The following WDFY4 variants were observed in gnomAD, a reference collection of about 807,000 sequenced individuals.
The protein encoded by WDFY4 is WDFY family member 4.
A neutral mutation model predicts 351.9 loss-of-function variants in WDFY4; 169 were observed. The observed-to-expected ratio is 0.48, with a 90% CI of 0.42 to 0.55. The LOEUF (loss-of-function observed/expected upper bound fraction) is 0.55. Ranked by LOEUF, WDFY4 falls within the 20% of genes least tolerant of loss-of-function variation. The pLI is 0.00. For missense variants in WDFY4, 3,803 were observed against 3,935.6 expected (o/e 0.97, Z 0.90); for synonymous variants, 1,622 against 1,574.6 (o/e 1.03, Z -0.71).
intron 19 of WDFY4, among the ~76,000 whole-genome samples, chr10:48,780,724 T>C (rs2066191936): frequency 6.6e-6 from 1 of 152,206 alleles, no homozygotes; most frequent in Non-Finnish European, 1.5e-5. Flanking sequence ...GCAGCCATTG[T>C]CAGAGAAGAG....
chr10:48,842,521 G>T (rs754833114), intron 39 of WDFY4, among the ~76,000 whole-genome samples: 11 of 152,108 alleles, frequency 7.2e-5, no homozygotes, highest in Non-Finnish European at 1.5e-4. Flanking sequence ...GTCCAGAGGG[G>T]CTTTCTCCTG....
chr10:48,723,343 T>A (rs921425121), intron 4 of WDFY4, 90 bp from the exon 5 acceptor site: 1 of 1,472,812 alleles, frequency 6.8e-7, no homozygotes, highest in African/African-American at 1.4e-5. Flanking sequence ...ATGGCCTCAC[T>A]GAAATGGCTG....
chr10:48,707,930 T>TA (rs543166213), intron 1 of WDFY4, among the ~76,000 whole-genome samples: 43 of 152,050 alleles, frequency 2.8e-4, no homozygotes, highest in Non-Finnish European at 5.9e-5. Context: ...CCCTTAGAGT[T>TA]AGCCCCCCAA....
chr10:48,981,571 C>CCTCCT, intron 61 of WDFY4, 93 bp downstream of exon 61: 1 of 1,175,604 alleles, frequency 8.5e-7, no homozygotes, highest in Non-Finnish European at 1.2e-6. Context: ...GGCCACCTGG[C>CCTCCT]CGAGGAGGCC....
At chr10:48,939,591 T>C (rs1320990246) in intron 47 of WDFY4, among the ~76,000 whole-genome samples, 1 of 152,234 alleles carries the variant, frequency 6.6e-6, no homozygotes, top group East Asian at 1.9e-4. Context: ...ATGATAATGA[T>C]GGATGATGGA....
intron 55 of WDFY4, chr10:48,968,852 G>T: frequency 1.8e-6 from 1 of 559,188 alleles, no homozygotes; most frequent in South Asian, 2.2e-5. Flanking sequence ...CTGCCCCGGG[G>T]CCCGGCTACA....
chr10:48,748,452 T>C (rs2065078005), intron 12 of WDFY4, among the ~76,000 whole-genome samples: 1 of 152,154 alleles, frequency 6.6e-6, no homozygotes, highest in South Asian at 2.1e-4. Flanking sequence ...TGTGCGTGCG[T>C]GTATGTGCAC....
intron 12 of WDFY4, chr10:48,745,784 C>T (rs2064992304): frequency 2.3e-6 from 1 of 433,284 alleles, no homozygotes; most frequent in Admixed American, 3.6e-5. Context: ...GCAGCAGAAA[C>T]ACCCATCTAG....
At chr10:48,793,227 G>T (rs1034619038) in intron 23 of WDFY4, among the ~76,000 whole-genome samples, 5 of 152,150 alleles carry the variant, frequency 3.3e-5, no homozygotes, top group Admixed American at 6.5e-5. Context: ...CATCCAAGAA[G>T]GTGGACAGAA....
At chr10:48,758,605 TC>T (rs1048707613) in intron 12 of WDFY4, among the ~76,000 whole-genome samples, 3 of 152,194 alleles carry the variant, frequency 2.0e-5, no homozygotes, top group Admixed American at 2.0e-4. Flanking sequence ...TTTTTAGTAA[TC>T]TTTTTCCTTT....
intron 12 of WDFY4, among the ~76,000 whole-genome samples, chr10:48,756,944 T>C (rs1370920036): frequency 2.0e-5 from 3 of 152,076 alleles, no homozygotes; most frequent in Admixed American, 1.3e-4. Flanking sequence ...ATTCTGGCTT[T>C]ATAAAATGAA....
At chr10:48,913,869 G>C in intron 47 of WDFY4, 1 of 1,614,120 alleles carries the variant, frequency 6.2e-7, no homozygotes, top group South Asian at 1.1e-5. Flanking sequence ...GAGCAGGCTG[G>C]TCATCTGGCC....
chr10:48,821,206 C>A, intron 34 of WDFY4, 30 bp downstream of exon 34: 1 of 1,506,010 alleles, frequency 6.6e-7, no homozygotes, highest in South Asian at 1.2e-5. Flanking sequence ...CCCCTCCATT[C>A]ATGACATGAG....
intron 54 of WDFY4, 43 bp downstream of exon 54, chr10:48,964,097 G>A (rs970607330): frequency 1.1e-5 from 17 of 1,539,286 alleles, no homozygotes; most frequent in Non-Finnish European, 1.4e-5. Context: ...TCAAAAGAGT[G>A]TGTGCAGTGT....
chr10:48,877,346 A>T, intron 43 of WDFY4, 147 bp downstream of exon 43: 1 of 803,174 alleles, frequency 1.2e-6, no homozygotes, highest in Non-Finnish European at 1.9e-6. Flanking sequence ...TCAGTGAAAA[A>T]AGGGATAGAT....
At chr10:48,689,835 T>C (rs940816305) in intron 1 of WDFY4, among the ~76,000 whole-genome samples, 6 of 152,242 alleles carry the variant, frequency 3.9e-5, no homozygotes, top group African/African-American at 1.4e-4. Context: ...GACTTGTACT[T>C]GCAAGCTCAC....
At chr10:48,838,564 T>C (rs2068485630) in intron 39 of WDFY4, among the ~76,000 whole-genome samples, 1 of 151,860 alleles carries the variant, frequency 6.6e-6, no homozygotes. Flanking sequence ...CATTATCTTT[T>C]TGAAAAAAAA....
At chr10:48,877,815 C>T (rs1002651323) in intron 43 of WDFY4, among the ~76,000 whole-genome samples, 47 of 152,248 alleles carry the variant, frequency 3.1e-4, no homozygotes, top group Admixed American at 1.6e-3. Flanking sequence ...GCTGGGTTGG[C>T]GGAGCCCCAC....
chr10:48,925,757 A>T (rs1839517582), intron 47 of WDFY4, among the ~76,000 whole-genome samples: 1 of 151,778 alleles, frequency 6.6e-6, no homozygotes, highest in Non-Finnish European at 1.5e-5. Context: ...TCTTACAGGG[A>T]CTCCACAGTT....
Sources: allele counts gnomAD v4.1 joint callset (sites outside exome capture counted in the v4.1 genomes callset), GRCh38; gene constraint gnomAD v4.1.1; transcripts MANE v1.5; gene names NCBI Gene and HGNC (gene_info 2026-07-23, HGNC 2026-07-21).